Variants in PDE10A observed in about 807,000 individuals in gnomAD.
PDE10A encodes the protein cAMP and cAMP-inhibited cGMP 3',5'-cyclic phosphodiesterase 10A.
PDE10A carries 39 observed loss-of-function variants against 97.7 expected under a neutral mutation model. The observed-to-expected ratio is 0.40, with a 90% CI of 0.31 to 0.52. The LOEUF (loss-of-function observed/expected upper bound fraction) is 0.52. Among genes scored for constraint, PDE10A ranks in the 20% least tolerant of loss-of-function variants. The pLI is 0.56. For synonymous variants in PDE10A, 371 were observed against 376.8 expected, an observed-to-expected ratio of 0.98 and a Z score of 0.18; for missense variants, 731 against 1,047.8, an observed-to-expected ratio of 0.70 and a Z score of 4.17.
chr6:165,571,905 T>G (rs1785066415), intron 1 of PDE10A, among the ~76,000 whole-genome samples: 1 of 152,210 alleles, frequency 6.6e-6, no homozygotes, highest in South Asian at 2.1e-4. Context: ...TGCTAATTCT[T>G]TCTTAATATT....
chr6:165,902,904 C>T (rs1450104894), intron 1 of PDE10A, among the ~76,000 whole-genome samples: 2 of 152,206 alleles, frequency 1.3e-5, no homozygotes, highest in African/African-American at 2.4e-5. Context: ...CAGGAACACA[C>T]ATTTTATACT....
intron 1 of PDE10A, among the ~76,000 whole-genome samples, chr6:165,573,037 A>G (rs1785123133): frequency 6.6e-6 from 1 of 152,196 alleles, no homozygotes; most frequent in African/African-American, 2.4e-5. Flanking sequence ...AATGACTAAA[A>G]GTTTTATATA....
chr6:165,395,583 T>C (rs909082289), intron 14 of PDE10A, among the ~76,000 whole-genome samples: 2 of 152,144 alleles, frequency 1.3e-5, no homozygotes, highest in African/African-American at 2.4e-5. Flanking sequence ...TATACAATCA[T>C]AGAAAAGGGG....
intron 21 of PDE10A, among the ~76,000 whole-genome samples, chr6:165,334,225 C>T (rs547238073): frequency 8.5e-5 from 13 of 152,370 alleles, no homozygotes; most frequent in Non-Finnish European, 1.8e-4. Flanking sequence ...GAGCTGCCCA[C>T]ACAGTGGACA....
intron 2 of PDE10A, among the ~76,000 whole-genome samples, chr6:165,535,719 C>CAGGT (rs142823659): frequency 0.052 from 7,903 of 151,642 alleles, 314 homozygotes; most frequent in East Asian, 0.2. Context: ...CATACAAGCA[C>CAGGT]AGGTATCTTT....
intron 16 of PDE10A, among the ~76,000 whole-genome samples, chr6:165,389,165 G>C (rs1311676320): frequency 4.6e-5 from 7 of 152,050 alleles, no homozygotes; most frequent in Admixed American, 3.9e-4. Context: ...GAGGGCAGGG[G>C]AAGCAGTCAT....
At chr6:165,634,136 G>A (rs576789968) in intron 1 of PDE10A, among the ~76,000 whole-genome samples, 2 of 152,282 alleles carry the variant, frequency 1.3e-5, no homozygotes, top group African/African-American at 4.8e-5. Context: ...GTAGGGCCCA[G>A]GAATTTGCGT....
Position 165,614,451 on chromosome 6 carries a change from G to A in PDE10A, c.865+47496C>T, listed in dbSNP as rs570814012. Among the ~76,000 whole-genome samples the A allele has an allele frequency of 5.9e-5, 9 of 152,230 alleles. No homozygotes were observed. The East Asian group carries it at 1.5e-3, about 26-fold the overall frequency. ...GTCCAGCTCCAGCAACACATCATGC[G>A]TGCTTCTCACGTCTGTCCTCACACG... On this transcript the variant is annotated intron_variant, in intron 1 of 21. Coordinates refer to ENST00000539869, the MANE Select transcript of PDE10A (RefSeq NM_001385079.1).
At chr6:165,617,325 C>T (rs1380302244) in intron 1 of PDE10A, among the ~76,000 whole-genome samples, 2 of 152,186 alleles carry the variant, frequency 1.3e-5, no homozygotes, top group African/African-American at 4.8e-5. Flanking sequence ...AAGTGCCACA[C>T]TCTTAAGTTC....
chr6:165,764,715 G>A lies in PDE10A; in HGVS notation c.-614-221147C>T, dbSNP rs1007411565. 5.9e-5 allele frequency among the ~76,000 whole-genome samples: 9 copies of A among 152,236 alleles called. No homozygotes were observed. The South Asian group carries it at 1.5e-3, about 25-fold the overall frequency. On this transcript the variant is annotated intron_variant, in intron 1 of 19. Coordinates refer to the PDE10A transcript ENST00000366882. Reference sequence around the variant, plus strand: ...CAGGAGTGAAGCTGCAGACCTTCCCGGTGAGTGTTACAGCTCATAAAGGCA... The same window carrying A: ...CAGGAGTGAAGCTGCAGACCTTCCCAGTGAGTGTTACAGCTCATAAAGGCA...
intron 2 of PDE10A, among the ~76,000 whole-genome samples, chr6:165,519,219 T>G (rs1781992379): frequency 6.6e-6 from 1 of 152,158 alleles, no homozygotes; most frequent in African/African-American, 2.4e-5. Flanking sequence ...CAGTTCAAAC[T>G]TACGATATAC....
At chr6:165,973,762 C>A (rs993054744) in intron 1 of PDE10A, among the ~76,000 whole-genome samples, 8 of 152,216 alleles carry the variant, frequency 5.3e-5, no homozygotes, top group Non-Finnish European at 1.2e-4. Context: ...TGTGAAATGG[C>A]TGGACCGCAG....
chr6:165,542,968 T>G (rs1213336958), intron 2 of PDE10A, among the ~76,000 whole-genome samples: 2 of 152,102 alleles, frequency 1.3e-5, no homozygotes, highest in African/African-American at 4.8e-5. Context: ...TCTTCTAGAG[T>G]CTGAGTGTGA....
intron 1 of PDE10A, among the ~76,000 whole-genome samples, chr6:165,679,337 A>G (rs1790913070): frequency 6.6e-6 from 1 of 152,258 alleles, no homozygotes. Context: ...GGATACTGGC[A>G]GAAAAGCAGT....
intron 2 of PDE10A, among the ~76,000 whole-genome samples, chr6:165,485,399 C>A (rs1468044390): frequency 2.1e-5 from 3 of 143,746 alleles, no homozygotes; most frequent in Admixed American, 7.2e-5. Flanking sequence ...ACCCAGGAGG[C>A]AGAGGTTGCA....
At chr6:165,587,419 T>A (rs1785980800) in intron 1 of PDE10A, among the ~76,000 whole-genome samples, 1 of 152,216 alleles carries the variant, frequency 6.6e-6, no homozygotes, top group Non-Finnish European at 1.5e-5. Flanking sequence ...ATGAGTAATT[T>A]CCTTAGGTTC....
At chr6:165,787,585 A>G (rs528133406) in intron 1 of PDE10A, among the ~76,000 whole-genome samples, 2 of 152,386 alleles carry the variant, frequency 1.3e-5, no homozygotes, top group East Asian at 3.9e-4. Flanking sequence ...GGAGACATAC[A>G]GAATTAGAGT....
At chr6:165,607,933 A>C (rs116253585) in intron 1 of PDE10A, among the ~76,000 whole-genome samples, 2,021 of 152,038 alleles carry the variant, frequency 0.013, 47 homozygotes, top group African/African-American at 0.046. Flanking sequence ...GTTTGCAGAG[A>C]ACAGAAGGGG....
intron 4 of PDE10A, 120 bp from the exon 5 acceptor site, chr6:165,449,097 G>A (rs955362103): frequency 5.8e-6 from 4 of 694,616 alleles, no homozygotes; most frequent in Non-Finnish European, 1.1e-5. Flanking sequence ...CAGAATCAAT[G>A]GTCATGCAGT....
Sources: allele counts gnomAD v4.1 joint callset (sites outside exome capture counted in the v4.1 genomes callset), GRCh38; gene constraint gnomAD v4.1.1; transcripts MANE v1.5; gene names NCBI Gene and HGNC (gene_info 2026-07-23, HGNC 2026-07-21).